SLC24A4: variants seen among roughly 807,000 people sequenced by gnomAD.
SLC24A4 encodes sodium/potassium/calcium exchanger 4.
Under a neutral mutation model 79.0 loss-of-function variants are expected in SLC24A4, and 53 were observed. The ratio of observed to expected loss-of-function variants is 0.67; its 90% CI spans 0.54 to 0.84. SLC24A4 has a LOEUF of 0.84. Among genes scored for constraint, SLC24A4 ranks in the 40% least tolerant of loss-of-function variants. The pLI is 0.00. For synonymous variants in SLC24A4, 323 were observed against 323.8 expected, an observed-to-expected ratio of 1.00 and a Z score of 0.03; for missense variants, 731 against 822.0, an observed-to-expected ratio of 0.89 and a Z score of 1.35.
intron 3 of SLC24A4, among the ~76,000 whole-genome samples, chr14:92,436,827 G>A (rs116691496): frequency 0.013 from 1,915 of 152,278 alleles, 41 homozygotes; most frequent in African/African-American, 0.044. Context: ...TGCTGTGAGT[G>A]TGAATTCAAG....
intron 2 of SLC24A4, among the ~76,000 whole-genome samples, chr14:92,396,066 C>A (rs1421921712): frequency 6.6e-6 from 1 of 152,218 alleles, no homozygotes; most frequent in Non-Finnish European, 1.5e-5. Context: ...CCTTGTGATC[C>A]ACCTGCCTAG....
chr14:92,397,820 G>A (rs1055999090), intron 2 of SLC24A4, among the ~76,000 whole-genome samples: 2 of 152,114 alleles, frequency 1.3e-5, no homozygotes, highest in African/African-American at 4.8e-5. Context: ...CCTGGCAGAG[G>A]GGCTTTTCCT....
At chr14:92,330,021 C>T (rs552096645) in intron 2 of SLC24A4, among the ~76,000 whole-genome samples, 6 of 152,292 alleles carry the variant, frequency 3.9e-5, no homozygotes, top group Admixed American at 2.0e-4. Flanking sequence ...TGGGGTAGGG[C>T]CCAGGAGTCA....
At chr14:92,485,483 GA>G (rs973275872) in intron 13 of SLC24A4, among the ~76,000 whole-genome samples, 96 of 135,892 alleles carry the variant, frequency 7.1e-4, no homozygotes, top group Middle Eastern at 3.5e-3. Flanking sequence ...AAAAAGAAAA[GA>G]AAAAAAAAAA....
chr14:92,423,831 T>C (rs1158130796), intron 2 of SLC24A4, among the ~76,000 whole-genome samples: 4 of 152,172 alleles, frequency 2.6e-5, no homozygotes, highest in African/African-American at 4.8e-5. Flanking sequence ...TTGTGTGCAT[T>C]GGTTTAGGGA....
chr14:92,456,787 G>T (rs868244522), intron 12 of SLC24A4, among the ~76,000 whole-genome samples, 179 bp downstream of exon 12: 17 of 152,314 alleles, frequency 1.1e-4, no homozygotes, highest in South Asian at 8.3e-4. Flanking sequence ...CTGAACTGTG[G>T]GTTAGAGCTG....
At chr14:92,436,292 C>T (rs1400998715) in intron 3 of SLC24A4, among the ~76,000 whole-genome samples, 2 of 152,184 alleles carry the variant, frequency 1.3e-5, no homozygotes. Context: ...CACCCCTATA[C>T]CGCCAATGGT....
At chr14:92,442,059 C>T in intron 4 of SLC24A4, 30 bp from the exon 5 acceptor site, 1 of 1,592,030 alleles carries the variant, frequency 6.3e-7, no homozygotes, top group Non-Finnish European at 8.6e-7. Flanking sequence ...CACGTCACAC[C>T]CTGAGGGTCT....
At chr14:92,352,662 C>T (rs1476383963) in intron 2 of SLC24A4, among the ~76,000 whole-genome samples, 1 of 152,160 alleles carries the variant, frequency 6.6e-6, no homozygotes, top group African/African-American at 2.4e-5. Context: ...CCAGAGGTGG[C>T]CCCCAGACTC....
At chr14:92,413,559 A>G (rs1240296839) in intron 2 of SLC24A4, among the ~76,000 whole-genome samples, 2 of 152,168 alleles carry the variant, frequency 1.3e-5, no homozygotes, top group Non-Finnish European at 2.9e-5. Flanking sequence ...CATTAGCTGC[A>G]CATCTGTTTC....
At chr14:92,469,706 A>G (rs1894330382) in intron 12 of SLC24A4, among the ~76,000 whole-genome samples, 1 of 152,236 alleles carries the variant, frequency 6.6e-6, no homozygotes, top group African/African-American at 2.4e-5. Context: ...AATGTGGTAT[A>G]TCCATATAAT....
intron 2 of SLC24A4, among the ~76,000 whole-genome samples, chr14:92,343,588 C>A (rs1295338167): frequency 5.4e-5 from 5 of 92,298 alleles, no homozygotes; most frequent in African/African-American, 1.6e-4. Flanking sequence ...TGTTTTCTTT[C>A]TTTCTTTCTT....
At chr14:92,401,078 CCA>C (rs1890089746) in intron 2 of SLC24A4, among the ~76,000 whole-genome samples, 1 of 152,122 alleles carries the variant, frequency 6.6e-6, no homozygotes, top group South Asian at 2.1e-4. Flanking sequence ...CCTTGCTTCT[CCA>C]CCAGCAAGGC....
At chr14:92,489,758 A>G (rs566542589) in intron 14 of SLC24A4, among the ~76,000 whole-genome samples, 4 of 152,258 alleles carry the variant, frequency 2.6e-5, no homozygotes, top group Admixed American at 1.3e-4. Context: ...AGCTGCCGGC[A>G]GCCCCGTTTG....
intron 2 of SLC24A4, among the ~76,000 whole-genome samples, chr14:92,404,362 G>A (rs145632613): frequency 6.6e-6 from 1 of 152,278 alleles, no homozygotes; most frequent in Non-Finnish European, 1.5e-5. Context: ...ACCTTTTATA[G>A]TGCAAATAGA....
intron 12 of SLC24A4, among the ~76,000 whole-genome samples, chr14:92,473,149 CA>C (rs1894529308): frequency 6.6e-6 from 1 of 152,204 alleles, no homozygotes. Context: ...CTGATTAAAA[CA>C]AATTCTGGCT....
At chr14:92,406,458 G>T (rs1050126632) in intron 2 of SLC24A4, among the ~76,000 whole-genome samples, 1 of 152,198 alleles carries the variant, frequency 6.6e-6, no homozygotes, top group Non-Finnish European at 1.5e-5. Flanking sequence ...CCTCTGCATG[G>T]CCCTAGTAGA....
chr14:92,368,911 C>T (rs1312402665), intron 2 of SLC24A4, among the ~76,000 whole-genome samples: 1 of 152,142 alleles, frequency 6.6e-6, no homozygotes, highest in Non-Finnish European at 1.5e-5. Flanking sequence ...CCAGCTCCCT[C>T]CCCCTGCTCA....
chr14:92,371,874 G>A (rs1455268877), intron 2 of SLC24A4, among the ~76,000 whole-genome samples: 4 of 152,220 alleles, frequency 2.6e-5, no homozygotes, highest in African/African-American at 7.2e-5. Context: ...GACAGTGCTG[G>A]CCCTTTCTCA....
Sources: allele counts gnomAD v4.1 joint callset (sites outside exome capture counted in the v4.1 genomes callset), GRCh38; gene constraint gnomAD v4.1.1; transcripts MANE v1.5; gene names NCBI Gene and HGNC (gene_info 2026-07-23, HGNC 2026-07-21).